FAM227B: variants seen among roughly 807,000 people sequenced by gnomAD.
FAM227B encodes the protein protein FAM227B.
Under a neutral mutation model 73.8 loss-of-function variants are expected in FAM227B, and 88 were observed. That is an observed-to-expected ratio of 1.19 (90% CI 1.00 to 1.42). The LOEUF (loss-of-function observed/expected upper bound fraction) is 1.42. Among genes scored for constraint, FAM227B ranks in the 40% most tolerant of loss-of-function variants. The pLI is 0.00. For synonymous variants in FAM227B, 210 were observed against 190.5 expected, an observed-to-expected ratio of 1.10 and a Z score of -0.84; for missense variants, 632 against 590.9, an observed-to-expected ratio of 1.07 and a Z score of -0.72.
At chr15:49,573,989 G>A (rs551258839) in intron 8 of FAM227B, among the ~76,000 whole-genome samples, 4 of 152,056 alleles carry the variant, frequency 2.6e-5, no homozygotes, top group African/African-American at 9.6e-5. Flanking sequence ...GTTATGTTAG[G>A]TTGATGAATT....
At position 49,381,809 on chromosome 15, in the gene FAM227B, G is replaced by A. The variant is rs533854390; in HGVS notation, c.1013-10410C>T. Among the ~76,000 whole-genome samples the A allele has an allele frequency of 3.9e-5, 6 of 152,250 alleles. No individual in the cohort carries two copies. The South Asian group carries it at 1.2e-3, about 32-fold the overall frequency. ...CAAGATAATCATTTTAATAAGCATT[G>A]TTAAGTAGGAGAGTTTAGTTGCAAA... On this transcript the variant is annotated intron_variant, in intron 11 of 15. Transcript: ENST00000299338.
rs554424949 is a variant in FAM227B at position 49,596,292 on chromosome 15, C to T, written c.106-6285G>A. Among the ~76,000 whole-genome samples the T allele has an allele frequency of 1.8e-4, 28 of 152,004 alleles. 2 individuals carry two copies. The South Asian group carries it at 4.8e-3, about 26-fold the overall frequency. The stretch of plus-strand genomic sequence containing the variant: ...CAGAAACATTATAAGCCAGAAGAGA[C>T]TGGGGTCCTACCTTTAGCCTCCTTA... On this transcript the variant is annotated intron_variant, in intron 3 of 15. Coordinates refer to ENST00000299338, the MANE Select transcript of FAM227B (RefSeq NM_152647.3).
intron 10 of FAM227B, among the ~76,000 whole-genome samples, chr15:49,540,015 G>C (rs997294345): frequency 2.6e-5 from 4 of 152,144 alleles, no homozygotes; most frequent in Non-Finnish European, 5.9e-5. Flanking sequence ...ATGTGAGTAG[G>C]TCCTGGCCCT....
intron 11 of FAM227B, among the ~76,000 whole-genome samples, chr15:49,498,101 CT>C (rs1334470780): frequency 2.0e-5 from 3 of 152,202 alleles, no homozygotes; most frequent in Non-Finnish European, 4.4e-5. Context: ...GCTATGGTAA[CT>C]CTCATAAGTT....
chr15:49,576,755 CT>C lies in FAM227B; in HGVS notation c.531del (p.Ala178ProfsTer56). The C allele has an allele frequency of 6.3e-7, 1 of 1,582,640 alleles. No homozygotes were observed. The highest frequency in any genetic ancestry group is 8.7e-7 in the Non-Finnish European group (1 of 1,152,402). On this transcript the variant is annotated frameshift_variant, in exon 7 of 16. Coordinates refer to ENST00000299338, the MANE Select transcript of FAM227B (RefSeq NM_152647.3). LOFTEE classifies it high-confidence loss of function. ...TATTTACATACATCAAAATTATGGG[CT>C]TTTAAAATAAAAAGATAAATTTGTT... ...DAEQIYLFILKAHNFDERVFK... is the reference protein window; with the variant it reads ...DAEQIYLFILXAHNFDERVFK...
chr15:49,330,944 G>T (rs1293241653), intron 15 of FAM227B: 1 of 152,282 alleles, frequency 6.6e-6, no homozygotes, highest in Admixed American at 6.5e-5. Flanking sequence ...ACAGGTGACA[G>T]AGTGAGACCC....
At chr15:49,453,931 C>T (rs1198351225) in intron 11 of FAM227B, among the ~76,000 whole-genome samples, 4 of 152,118 alleles carry the variant, frequency 2.6e-5, no homozygotes, top group Admixed American at 2.6e-4. Flanking sequence ...TCTTCTAGCT[C>T]CCATTTTTAA....
chr15:49,506,125 A>G (rs959247106), intron 11 of FAM227B, among the ~76,000 whole-genome samples: 3 of 152,150 alleles, frequency 2.0e-5, no homozygotes, highest in African/African-American at 7.2e-5. Context: ...AATCAATAAC[A>G]TTAAAGGGAG....
intron 10 of FAM227B, among the ~76,000 whole-genome samples, chr15:49,513,837 C>G (rs912015756): frequency 6.6e-6 from 1 of 151,882 alleles, no homozygotes; most frequent in Non-Finnish European, 1.5e-5. Flanking sequence ...TTCCCCAGCA[C>G]CTTATTAAAT....
intron 13 of FAM227B, among the ~76,000 whole-genome samples, chr15:49,354,704 A>G (rs139934024): frequency 0.012 from 1,765 of 152,204 alleles, 31 homozygotes; most frequent in African/African-American, 0.04. Context: ...GGTAAACAAA[A>G]CAGTCGGGAA....
chr15:49,468,110 T>G (rs1401889007), intron 11 of FAM227B, among the ~76,000 whole-genome samples: 1 of 152,180 alleles, frequency 6.6e-6, no homozygotes, highest in Admixed American at 6.6e-5. Context: ...TTTTCTAATG[T>G]TTTATTTTCT....
chr15:49,569,605 A>G (rs2074944392), intron 8 of FAM227B, among the ~76,000 whole-genome samples: 1 of 152,016 alleles, frequency 6.6e-6, no homozygotes, highest in Non-Finnish European at 1.5e-5. Context: ...TAATATATCC[A>G]TTATCTCAGT....
chr15:49,549,483 A>G (rs7182948), intron 9 of FAM227B, among the ~76,000 whole-genome samples: 106,512 of 151,818 alleles, frequency 0.7, 37,693 homozygotes, highest in East Asian at 0.92. Flanking sequence ...CTGGCCTTCC[A>G]CAGTGTTTGT....
chr15:49,451,900 G>A (rs945313430), intron 11 of FAM227B, among the ~76,000 whole-genome samples: 1 of 152,086 alleles, frequency 6.6e-6, no homozygotes, highest in Non-Finnish European at 1.5e-5. Flanking sequence ...GGTTCTTCCA[G>A]TAAGTCCAGG....
At chr15:49,573,737 C>A (rs1410121674) in intron 8 of FAM227B, among the ~76,000 whole-genome samples, 4 of 152,136 alleles carry the variant, frequency 2.6e-5, no homozygotes, top group African/African-American at 9.7e-5. Flanking sequence ...TATTGTAGCA[C>A]AAAACCAACT....
intron 11 of FAM227B, among the ~76,000 whole-genome samples, chr15:49,422,168 G>A (rs886924645): frequency 7.8e-5 from 10 of 128,566 alleles, no homozygotes; most frequent in Non-Finnish European, 1.1e-4. Flanking sequence ...GTGTGTGCGC[G>A]CGCGCGCGCG....
intron 3 of FAM227B, among the ~76,000 whole-genome samples, chr15:49,599,845 A>G (rs2077083470): frequency 6.6e-6 from 1 of 152,094 alleles, no homozygotes; most frequent in Non-Finnish European, 1.5e-5. Context: ...CATCCTGGAG[A>G]ATTTTCTTTG....
At chr15:49,493,916 T>A (rs746989817) in intron 11 of FAM227B, among the ~76,000 whole-genome samples, 2 of 151,448 alleles carry the variant, frequency 1.3e-5, no homozygotes, top group Non-Finnish European at 2.9e-5. Context: ...ATGTGTGTAG[T>A]CAATAGTACA....
chr15:49,571,322 C>CT (rs1316417784), intron 8 of FAM227B, among the ~76,000 whole-genome samples: 1 of 151,862 alleles, frequency 6.6e-6, no homozygotes, highest in African/African-American at 2.4e-5. Flanking sequence ...AATCTATTGA[C>CT]TGTTTGCTTT....
Sources: gnomAD v4.1 joint callset for allele counts (sites outside exome capture counted in the v4.1 genomes callset) on GRCh38, gnomAD v4.1.1 for gene constraint, MANE v1.5 for transcripts, NCBI Gene and HGNC (gene_info 2026-07-23, HGNC 2026-07-21) for gene names.